Variants in SF3A3 observed in about 807,000 individuals in gnomAD.
SF3A3 encodes SAP 61.
Under a neutral mutation model 85.8 loss-of-function variants are expected in SF3A3, and 9 were observed. The ratio of observed to expected loss-of-function variants is 0.10; its 90% CI spans 0.06 to 0.18. The LOEUF (loss-of-function observed/expected upper bound fraction) is 0.18. Ranked by LOEUF, SF3A3 falls within the 10% of genes least tolerant of loss-of-function variation. The pLI, the probability that SF3A3 is intolerant of heterozygous loss-of-function variation, is 1.00. For synonymous variants in SF3A3, 195 were observed against 204.4 expected (o/e 0.95, Z 0.39); for missense variants, 306 against 593.3 (o/e 0.52, Z 5.03).
chr1:37,983,727 G>C (rs542293058), intron 6 of SF3A3, among the ~76,000 whole-genome samples: 6 of 151,954 alleles, frequency 3.9e-5, no homozygotes, highest in Admixed American at 2.6e-4. Context: ...TTGAGGTCAG[G>C]AGTTTGTGAC....
At chr1:37,970,616 T>C (rs1646332407) in intron 12 of SF3A3, among the ~76,000 whole-genome samples, 1 of 152,150 alleles carries the variant, frequency 6.6e-6, no homozygotes, top group African/African-American at 2.4e-5. Flanking sequence ...AGTAAAGCAC[T>C]CCTCAGCAAA....
At chr1:37,960,431 T>G in intron 15 of SF3A3, 1 of 472,016 alleles carries the variant, frequency 2.1e-6, no homozygotes, top group Non-Finnish European at 3.8e-6. Flanking sequence ...ACAGAGAAAC[T>G]GATACTCTTG....
intron 14 of SF3A3, 69 bp from the exon 15 acceptor site, chr1:37,968,203 T>G (rs908855204): frequency 3.3e-5 from 30 of 906,862 alleles, no homozygotes; most frequent in Non-Finnish European, 5.2e-5. Context: ...CTAACTCCAT[T>G]CTACTCATAA....
intron 15 of SF3A3, among the ~76,000 whole-genome samples, chr1:37,963,003 G>A (rs1646272688): frequency 6.6e-6 from 1 of 151,552 alleles, no homozygotes; most frequent in Non-Finnish European, 1.5e-5. Context: ...CAGGAGAATC[G>A]CTTGAACACA....
At chr1:37,972,106 C>T (rs1646348591) in intron 12 of SF3A3, among the ~76,000 whole-genome samples, 1 of 152,194 alleles carries the variant, frequency 6.6e-6, no homozygotes, top group South Asian at 2.1e-4. Flanking sequence ...ATTTAGAAAA[C>T]TCCATTGTCT....
At chr1:37,982,705 A>G (rs1288630849) in intron 6 of SF3A3, among the ~76,000 whole-genome samples, 1 of 152,068 alleles carries the variant, frequency 6.6e-6, no homozygotes, top group Non-Finnish European at 1.5e-5. Context: ...CTTTAAGAAA[A>G]GACATTAAAT....
chr1:37,958,640 A>G (rs1646235941), intron 16 of SF3A3, among the ~76,000 whole-genome samples: 1 of 152,256 alleles, frequency 6.6e-6, no homozygotes, highest in African/African-American at 2.4e-5. Flanking sequence ...GATTCTGCTC[A>G]GAGGCCATTG....
chr1:37,982,074 C>T (rs1371955422), intron 6 of SF3A3, among the ~76,000 whole-genome samples: 2 of 135,886 alleles, frequency 1.5e-5, no homozygotes, highest in Non-Finnish European at 1.7e-5. Flanking sequence ...CTAAAAGAAA[C>T]GTTTGTCGAT....
chr1:37,980,273 A>C (rs1646408642), intron 8 of SF3A3, among the ~76,000 whole-genome samples: 1 of 151,984 alleles, frequency 6.6e-6, no homozygotes, highest in Admixed American at 6.6e-5. Context: ...AAAAACACAA[A>C]ATTAGCCGGG....
intron 10 of SF3A3, 42 bp downstream of exon 10, chr1:37,978,946 A>G: frequency 6.4e-7 from 1 of 1,564,518 alleles, no homozygotes. Context: ...CTGTGCAAAC[A>G]CACAGTAAAT....
At chr1:37,981,689 A>G in intron 7 of SF3A3, 40 bp downstream of exon 7, 1 of 1,232,238 alleles carries the variant, frequency 8.1e-7, no homozygotes, top group Non-Finnish European at 1.2e-6. Flanking sequence ...ATTATCTTCT[A>G]ATCAAATCCA....
chr1:37,984,783 A>G lies in SF3A3; in HGVS notation c.304-4T>C. The G allele has an allele frequency of 1.2e-6, 2 of 1,612,416 alleles. No homozygotes were observed. The highest frequency in any genetic ancestry group is 4.5e-5 in the East Asian group (2 of 44,872). ...CCACTGACATTGGCACACAGATCTG[A>G]GGGGAAAAGTAAAAGCTCAGGTGGA... On this transcript the variant is annotated splice_polypyrimidine_tract_variant and splice_region_variant and intron_variant, in intron 4 of 16. Transcript: ENST00000373019.
intron 16 of SF3A3, among the ~76,000 whole-genome samples, chr1:37,959,560 C>CT (rs1169559861): frequency 2.6e-5 from 4 of 151,918 alleles, no homozygotes; most frequent in Non-Finnish European, 5.9e-5. Context: ...TAGCATGCGC[C>CT]ACCACACTTG....
chr1:37,960,240 A>C (rs1646248061), intron 15 of SF3A3, 65 bp from the exon 16 acceptor site: 4 of 1,434,678 alleles, frequency 2.8e-6, no homozygotes, highest in Non-Finnish European at 3.9e-6. Flanking sequence ...CCAGTGTTAT[A>C]ATCCTCTCTC....
chr1:37,970,446 T>A (rs1172515077), intron 12 of SF3A3, among the ~76,000 whole-genome samples: 8 of 151,968 alleles, frequency 5.3e-5, no homozygotes, highest in Admixed American at 1.3e-4. Flanking sequence ...ATTAGACAGA[T>A]CAACGAGACA....
intron 2 of SF3A3, among the ~76,000 whole-genome samples, 185 bp downstream of exon 2, chr1:37,989,363 A>C (rs1233271633): frequency 6.6e-6 from 1 of 151,906 alleles, no homozygotes; most frequent in South Asian, 2.1e-4. Flanking sequence ...AGAGTTCCCC[A>C]TTCAGAGAAC....
chr1:37,989,505 C>T, intron 2 of SF3A3, 43 bp downstream of exon 2: 1 of 1,601,054 alleles, frequency 6.2e-7, no homozygotes, highest in Non-Finnish European at 8.5e-7. Flanking sequence ...TCTCTTTTCC[C>T]GCCCTCGCCA....
intron 16 of SF3A3, 127 bp downstream of exon 16, chr1:37,959,993 G>A: frequency 2.0e-6 from 1 of 494,448 alleles, no homozygotes; most frequent in Non-Finnish European, 3.7e-6. Flanking sequence ...AAGTCAATTT[G>A]TAGATATTGT....
chr1:37,986,672 C>T (rs1260456032), intron 4 of SF3A3, among the ~76,000 whole-genome samples: 1 of 151,732 alleles, frequency 6.6e-6, no homozygotes, highest in Non-Finnish European at 1.5e-5. Flanking sequence ...ATTAGCCAGG[C>T]GTGGTGGCAG....
Sources: gnomAD v4.1 joint callset for allele counts (sites outside exome capture counted in the v4.1 genomes callset) on GRCh38, gnomAD v4.1.1 for gene constraint, MANE v1.5 for transcripts, NCBI Gene and HGNC (gene_info 2026-07-23, HGNC 2026-07-21) for gene names.